FAM185A: variants seen among roughly 807,000 people sequenced by gnomAD.
FAM185A encodes the protein family with sequence similarity 185 member A.
In FAM185A, 21 loss-of-function variants were observed where a neutral mutation model predicts 45.7. The ratio of observed to expected loss-of-function variants is 0.46; its 90% CI spans 0.33 to 0.66. FAM185A has a LOEUF of 0.66. FAM185A is among the 30% of genes least tolerant of loss of function. FAM185A has a pLI of 0.03. For missense variants in FAM185A, 305 were observed against 485.4 expected (o/e 0.63, Z 3.49); for synonymous variants, 117 against 194.0 (o/e 0.60, Z 3.30).
chr7:102,799,533 T>C (rs995861256), intron 7 of FAM185A, among the ~76,000 whole-genome samples: 4 of 152,372 alleles, frequency 2.6e-5, no homozygotes, highest in African/African-American at 9.6e-5. Flanking sequence ...AGGGAAAAAC[T>C]GTACTGAGGA....
chr7:102,784,764 A>G (rs1303111698), intron 6 of FAM185A, among the ~76,000 whole-genome samples: 1 of 152,196 alleles, frequency 6.6e-6, no homozygotes, highest in African/African-American at 2.4e-5. Context: ...TCCCCTTGAA[A>G]ACTGGCACAA....
At chr7:102,776,099 T>TACACACACACACACACACACATCTAC (rs1360377462) in intron 5 of FAM185A, among the ~76,000 whole-genome samples, 1 of 106,670 alleles carries the variant, frequency 9.4e-6, no homozygotes, top group African/African-American at 5.2e-5. Context: ...TTGGCTCCTA[T>TACACACACACACACACACACATCTAC]ACACACACAC....
intron 7 of FAM185A, among the ~76,000 whole-genome samples, chr7:102,801,786 G>A (rs374713461): frequency 1.2e-4 from 19 of 152,110 alleles, no homozygotes; most frequent in Middle Eastern, 3.4e-3. Context: ...TTAGCCAGGC[G>A]TGGTGGCGGG....
intron 7 of FAM185A, among the ~76,000 whole-genome samples, chr7:102,808,009 C>T (rs1448658970): frequency 6.6e-6 from 1 of 152,112 alleles, no homozygotes; most frequent in African/African-American, 2.4e-5. Context: ...TGCAGTGAGC[C>T]GAGATCGTGC....
chr7:102,842,394 C>T, the FAM185A span, among the ~76,000 whole-genome samples: 7 of 152,348 alleles, frequency 4.6e-5, no homozygotes, highest in African/African-American at 1.7e-4. Context: ...GGAGCCAACA[C>T]ATCTAATCCA....
At chr7:102,814,094 G>C (rs775076456), downstream of FAM185A, among the ~76,000 whole-genome samples, 14 of 152,154 alleles carry the variant, frequency 9.2e-5, no homozygotes, top group Non-Finnish European at 1.8e-4. Flanking sequence ...TACTGTTATA[G>C]TCTTTCTTAG....
At chr7:102,781,988 A>T (rs1328962599) in intron 6 of FAM185A, among the ~76,000 whole-genome samples, 1 of 152,242 alleles carries the variant, frequency 6.6e-6, no homozygotes, top group African/African-American at 2.4e-5. Context: ...AAACCAAGGC[A>T]TGAGAACTAT....
At chr7:102,787,175 T>C (rs1795861446) in intron 6 of FAM185A, among the ~76,000 whole-genome samples, 160 bp from the exon 7 acceptor site, 1 of 152,206 alleles carries the variant, frequency 6.6e-6, no homozygotes, top group African/African-American at 2.4e-5. Flanking sequence ...AAGGGAACTT[T>C]GGGCACCTGG....
rs1457639362 is a variant in FAM185A at position 102,749,049 on chromosome 7, G to A, written c.-159G>A. ...CTGGGGATTGCGCGGCTGATGTTTA[G>A]AACGCCTAGTCAAGCCAACCGGCTC... On this transcript the variant is annotated 5_prime_UTR_variant, in exon 1 of 8. Transcript: ENST00000413034. 1 of 1,154,686 alleles carries A rather than the reference G, an allele frequency of 8.7e-7. No individual in the cohort carries two copies. Among genetic ancestry groups the A allele is most frequent in the Non-Finnish European group, 1.3e-6 (1 of 792,470 alleles). 71.5% of individuals were successfully genotyped at this position (1,154,686 alleles called of 1,614,324 possible). A position where few individuals can be genotyped will look rare whatever the true frequency, so the allele number is the denominator to read the frequency against.
intron 2 of FAM185A, among the ~76,000 whole-genome samples, chr7:102,753,734 G>C (rs1793514340): frequency 7.2e-6 from 1 of 138,222 alleles, no homozygotes; most frequent in African/African-American, 2.7e-5. Context: ...CTAGGATGAT[G>C]AATTAGCAAA....
At chr7:102,830,839 T>C in the FAM185A span, among the ~76,000 whole-genome samples, 3 of 152,342 alleles carry the variant, frequency 2.0e-5, no homozygotes, top group African/African-American at 7.2e-5. Flanking sequence ...ATTTCTTAGT[T>C]TTCTTCCTTC....
At chr7:102,783,563 C>T (rs549782374) in intron 6 of FAM185A, among the ~76,000 whole-genome samples, 9 of 152,142 alleles carry the variant, frequency 5.9e-5, no homozygotes, top group Admixed American at 1.3e-4. Context: ...GGGTACATAA[C>T]GAAATGAAGG....
the FAM185A span, among the ~76,000 whole-genome samples, chr7:102,826,771 A>ATATATATG: frequency 1.0e-5 from 1 of 95,434 alleles, no homozygotes; most frequent in Non-Finnish European, 2.1e-5. Context: ...ATATATATAT[A>ATATATATG]TGTATATATA....
In FAM185A at chr7:102,750,538, T is replaced by A. The variant is rs186143173; in HGVS notation, c.451+880T>A. ...TGACAGATCACAGTAATATAACTTT[T>A]ATTACAGTATATTGTTATAATTGCT... On this transcript the variant is annotated intron_variant, in intron 1 of 7. Coordinates refer to ENST00000413034, the MANE Select transcript of FAM185A (RefSeq NM_001145268.2). Among the ~76,000 whole-genome samples, 73 of 152,346 alleles carry A rather than the reference T, an allele frequency of 4.8e-4. 1 individual carries two copies. In the East Asian group the frequency reaches 0.012, roughly 25 times the overall value.
downstream of FAM185A, among the ~76,000 whole-genome samples, chr7:102,811,211 C>CA (rs1797413185): frequency 1.3e-5 from 2 of 152,142 alleles, no homozygotes; most frequent in African/African-American, 2.4e-5. Flanking sequence ...CAGCAGTCAA[C>CA]TATATTTAAA....
the FAM185A span, among the ~76,000 whole-genome samples, chr7:102,828,948 T>G: frequency 6.6e-6 from 1 of 152,194 alleles, no homozygotes; most frequent in East Asian, 1.9e-4. Context: ...TTGTAGATTG[T>G]CATTCTCAAG....
the FAM185A span, among the ~76,000 whole-genome samples, chr7:102,828,595 A>C: frequency 1.3e-5 from 2 of 152,312 alleles, no homozygotes; most frequent in Middle Eastern, 3.4e-3. Flanking sequence ...TTTGCTCAAT[A>C]CTTCATGCCT....
the FAM185A span, chr7:102,832,806 T>C: frequency 3.3e-5 from 54 of 1,612,854 alleles, no homozygotes; most frequent in African/African-American, 2.5e-4. Flanking sequence ...AGTGCTTAAA[T>C]TGGATGTGTT....
intron 7 of FAM185A, among the ~76,000 whole-genome samples, chr7:102,788,047 C>G (rs1245228756): frequency 6.6e-6 from 1 of 152,148 alleles, no homozygotes; most frequent in Non-Finnish European, 1.5e-5. Flanking sequence ...TCACTGCAAC[C>G]TCCGCCTCCC....
Sources: gnomAD v4.1 joint callset for allele counts (sites outside exome capture counted in the v4.1 genomes callset) on GRCh38, gnomAD v4.1.1 for gene constraint, MANE v1.5 for transcripts, NCBI Gene and HGNC (gene_info 2026-07-23, HGNC 2026-07-21) for gene names.